SPC25: variants seen among roughly 807,000 people sequenced by gnomAD.
SPC25 encodes the protein SPC25 component of NDC80 kinetochore complex.
A neutral mutation model predicts 29.6 loss-of-function variants in SPC25; 22 were observed. That is an observed-to-expected ratio of 0.74 (90% CI 0.53 to 1.06). The LOEUF (loss-of-function observed/expected upper bound fraction) is 1.06, where lower values mean the gene tolerates loss of function less well. SPC25 is among the 50% of genes least tolerant of loss of function. The probability of loss-of-function intolerance (pLI) is 0.00; values close to 1 mark genes in which losing one functional copy is unlikely to be tolerated. For missense variants in SPC25, 230 were observed against 255.8 expected (o/e 0.90, Z 0.69); for synonymous variants, 91 against 90.4 (o/e 1.01, Z -0.04).
chr2:168,862,770 C>CAGTT (rs1312212463), intron 4 of SPC25, among the ~76,000 whole-genome samples: 3 of 135,046 alleles, frequency 2.2e-5, no homozygotes, highest in South Asian at 2.8e-4. Context: ...TTTATGTGTC[C>CAGTT]AGTTAGAAAC....
At position 168,889,094 on chromosome 2, in the gene SPC25, CAT is replaced by C. The variant is rs566674198; in HGVS notation, c.199+130_199+131del. ...ACACATATATATACATATATATACACATATATATATACACACACACAACATAT... is the reference window on the plus strand; with the variant it reads ...ACACATATATATACATATATATACACATATATATACACACACACAACATAT... On this transcript the variant is annotated intron_variant, in intron 3 of 6. Transcript: ENST00000282074. 84 of 417,960 alleles carry C rather than the reference CAT, an allele frequency of 2.0e-4. 1 individual carries two copies. Among genetic ancestry groups the C allele is most frequent in the Non-Finnish European group, 2.8e-4 (66 of 237,408 alleles). The allele number at this position is 417,960 out of a possible 1,614,324, so 25.9% of individuals were successfully genotyped here.
intron 4 of SPC25, chr2:168,864,842 G>A (rs1342475790): frequency 6.2e-7 from 1 of 1,613,738 alleles, no homozygotes; most frequent in Admixed American, 1.7e-5. Context: ...AGGTGACATT[G>A]TGATTATACA....
At chr2:168,889,766 C>A (rs1690358683) in intron 1 of SPC25, among the ~76,000 whole-genome samples, 1 of 152,150 alleles carries the variant, frequency 6.6e-6, no homozygotes, top group South Asian at 2.1e-4. Flanking sequence ...GTAAGTGTAA[C>A]TGCACAGGAC....
chr2:168,879,822 G>A (rs1690146147), intron 3 of SPC25, among the ~76,000 whole-genome samples: 1 of 152,188 alleles, frequency 6.6e-6, no homozygotes, highest in African/African-American at 2.4e-5. Context: ...ATGGGCTGCA[G>A]AATGGATGTT....
chr2:168,867,189 A>T (rs374609284), downstream of SPC25, among the ~76,000 whole-genome samples: 116 of 152,178 alleles, frequency 7.6e-4, no homozygotes, highest in African/African-American at 2.7e-3. Context: ...TGTTTATTGC[A>T]GCACTATTCA....
intron 4 of SPC25, among the ~76,000 whole-genome samples, chr2:168,862,655 T>G (rs1689538508): frequency 6.6e-6 from 1 of 152,342 alleles, no homozygotes; most frequent in East Asian, 1.9e-4. Context: ...GAGATCCCCT[T>G]CTTTGTGTCA....
At chr2:168,870,734 T>C (rs571317558), downstream of SPC25, among the ~76,000 whole-genome samples, 99 of 151,396 alleles carry the variant, frequency 6.5e-4, 2 homozygotes, top group African/African-American at 1.1e-3. Context: ...TGTGGAGAAA[T>C]AGGAACACTT....
intron 3 of SPC25, among the ~76,000 whole-genome samples, chr2:168,887,024 C>G (rs1690279185): frequency 6.6e-6 from 1 of 152,022 alleles, no homozygotes; most frequent in South Asian, 2.1e-4. Flanking sequence ...ATCACTCTTT[C>G]ACACACACAT....
At chr2:168,869,776 G>A (rs1207839107), downstream of SPC25, among the ~76,000 whole-genome samples, 5 of 152,110 alleles carry the variant, frequency 3.3e-5, no homozygotes, top group East Asian at 3.9e-4. Flanking sequence ...AAATGGCCAT[G>A]TTGCCCAAGG....
Position 168,888,623 on chromosome 2 carries a change from T to C in SPC25, c.199+603A>G, listed in dbSNP as rs116805006. ...AATACTAAACAATATATTGATAGGTTAGTTGTGGAAGGTGGGAGAAGGTGT... is the reference window on the plus strand; with the variant it reads ...AATACTAAACAATATATTGATAGGTCAGTTGTGGAAGGTGGGAGAAGGTGT... On this transcript the variant is annotated intron_variant, in intron 3 of 6. Coordinates refer to ENST00000282074, the MANE Select transcript of SPC25 (RefSeq NM_020675.4). Among the ~76,000 whole-genome samples the C allele has an allele frequency of 6.1e-3, 924 of 152,102 alleles. 13 individuals are homozygous for C. The highest frequency in any genetic ancestry group is 0.021 in the African/African-American group (879 of 41,518).
In SPC25 at chr2:168,889,263, T is replaced by C; in HGVS notation, c.162A>G (p.Glu54=). The change falls in exon 3 of 7, where the codon GAA becomes GAG. Residue 54 remains glutamate, a synonymous_variant. Coordinates refer to ENST00000282074, the MANE Select transcript of SPC25 (RefSeq NM_020675.4). ...AEKLSVKLKE[E]ERMVEMFLEY... ...CCAGAAACATCTCAACCATTCGTTC[T>C]TCTTCCTTTAATTTCACAGACAGCT... 1 of 1,613,916 alleles carries C rather than the reference T, an allele frequency of 6.2e-7. No individual in the cohort carries two copies.
chr2:168,889,478 A>C lies in SPC25; in HGVS notation c.42T>G (p.Asn14Lys). The C allele has an allele frequency of 6.2e-7, 1 of 1,614,084 alleles. No homozygotes were observed. The highest frequency in any genetic ancestry group is 8.5e-7 in the Non-Finnish European group (1 of 1,180,006). ...DELALFDKSI[N>K]EFWNKFKSTD... ...TACTTTTGAATTTATTCCAAAATTC[A>C]TTTATGCTTTTATCGAAAAGTGCCA... Residue 14 changes from asparagine to lysine, a missense_variant, in exon 2 of 7, where the codon AAT becomes AAG. Physicochemically the swap from Asn to Lys is moderately conservative, Grantham distance 94. Coordinates refer to ENST00000282074, the MANE Select transcript of SPC25 (RefSeq NM_020675.4).
At chr2:168,880,555 CTCTT>C (rs1258831862) in intron 3 of SPC25, among the ~76,000 whole-genome samples, 2 of 152,226 alleles carry the variant, frequency 1.3e-5, no homozygotes, top group Non-Finnish European at 1.5e-5. Flanking sequence ...AAGGCTGTTT[CTCTT>C]TCTTATCATT....
At chr2:168,885,888 C>T (rs527788675) in intron 3 of SPC25, among the ~76,000 whole-genome samples, 3 of 152,204 alleles carry the variant, frequency 2.0e-5, no homozygotes, top group African/African-American at 7.2e-5. Context: ...TGTGAGGATT[C>T]ATGAGTCAAT....
chr2:168,869,158 C>G (rs924874231), downstream of SPC25, among the ~76,000 whole-genome samples: 11 of 152,098 alleles, frequency 7.2e-5, no homozygotes, highest in African/African-American at 1.9e-4. Flanking sequence ...ATTCAACAAC[C>G]CTTCATGCTA....
At position 168,879,012 on chromosome 2, in the gene SPC25, A is replaced by C. The variant is rs536434653; in HGVS notation, c.200-1628T>G. On this transcript the variant is annotated intron_variant, in intron 3 of 6. Transcript: ENST00000282074. ...CATTATGGCTAAAAAACAAATGTAC[A>C]TATCTTAATTAAAAATATTTTATTG... 8.5e-5 allele frequency among the ~76,000 whole-genome samples: 13 copies of C among 152,366 alleles called. No homozygotes were observed. The East Asian group carries it at 2.1e-3, about 25-fold the overall frequency.
Position 168,871,523 on chromosome 2 carries a change from C to T in SPC25, c.583G>A (p.Ala195Thr). 6.2e-6 allele frequency: 10 copies of T among 1,604,076 alleles called. No individual in the cohort carries two copies. Among genetic ancestry groups the T allele is most frequent in the Non-Finnish European group, 8.5e-6 (10 of 1,176,614 alleles). Residue 195 changes from alanine to threonine, a missense_variant, in exon 7 of 7, where the codon GCA becomes ACA. Coordinates refer to ENST00000282074, the MANE Select transcript of SPC25 (RefSeq NM_020675.4). The stretch of plus-strand genomic sequence containing the variant: ...TTCCTTACATTCTCTTGAAATTCTG[C>T]TAGGCCCTCAAGATGAGGGGCACTA... ...SDSAPHLEGL[A>T]EFQENVRKTN...
At chr2:168,880,454 TAG>T (rs1422932703) in intron 3 of SPC25, among the ~76,000 whole-genome samples, 1 of 152,254 alleles carries the variant, frequency 6.6e-6, no homozygotes. Context: ...TGAAGAGGGC[TAG>T]AGTCTTACCC....
chr2:168,877,688 A>G (rs969323873), intron 3 of SPC25, among the ~76,000 whole-genome samples: 1 of 152,148 alleles, frequency 6.6e-6, no homozygotes, highest in Non-Finnish European at 1.5e-5. Flanking sequence ...AAATAAGCAC[A>G]GAAATAAAAA....
Sources: gnomAD v4.1 joint callset for allele counts (sites outside exome capture counted in the v4.1 genomes callset) on GRCh38, gnomAD v4.1.1 for gene constraint, MANE v1.5 for transcripts, NCBI Gene and HGNC (gene_info 2026-07-23, HGNC 2026-07-21) for gene names.